DPP10: variants seen among roughly 807,000 people sequenced by gnomAD.
DPP10 encodes the protein dipeptidyl peptidase like 10.
Under a neutral mutation model 120.9 loss-of-function variants are expected in DPP10, and 33 were observed. That is an observed-to-expected ratio of 0.27 (90% CI 0.21 to 0.37). DPP10 has a LOEUF of 0.37. DPP10 is among the 10% of genes least tolerant of loss of function. The pLI is 1.00. For synonymous variants in DPP10, 337 were observed against 326.1 expected (o/e 1.03, Z -0.36); for missense variants, 816 against 942.8 (o/e 0.87, Z 1.76).
At chr2:114,573,446 T>C (rs1202080360) in intron 1 of DPP10, among the ~76,000 whole-genome samples, 1 of 152,162 alleles carries the variant, frequency 6.6e-6, no homozygotes, top group African/African-American at 2.4e-5. Context: ...TTTGGAAAGA[T>C]GATCCTGAAA....
At chr2:115,288,446 G>C (rs942298774) in intron 1 of DPP10, among the ~76,000 whole-genome samples, 1 of 151,994 alleles carries the variant, frequency 6.6e-6, no homozygotes, top group South Asian at 2.1e-4. Context: ...GGTCAGGCGT[G>C]GTGGCTCACA....
intron 5 of DPP10, among the ~76,000 whole-genome samples, chr2:115,625,622 G>T (rs2085299063): frequency 1.3e-5 from 2 of 152,148 alleles, no homozygotes; most frequent in African/African-American, 4.8e-5. Context: ...AATTATATCT[G>T]GAAATATCTT....
chr2:114,729,894 G>A (rs1032963320), intron 1 of DPP10, among the ~76,000 whole-genome samples: 2 of 152,122 alleles, frequency 1.3e-5, no homozygotes, highest in African/African-American at 4.8e-5. Context: ...CTTAAAAATG[G>A]ACCAGAACAG....
chr2:114,780,715 T>C (rs1027538044), intron 1 of DPP10, among the ~76,000 whole-genome samples: 4 of 152,090 alleles, frequency 2.6e-5, no homozygotes, highest in Non-Finnish European at 5.9e-5. Context: ...ATTTAAGATA[T>C]CTTAAATGTT....
At chr2:114,591,285 A>G (rs756911218) in intron 1 of DPP10, among the ~76,000 whole-genome samples, 1 of 152,232 alleles carries the variant, frequency 6.6e-6, no homozygotes, top group Non-Finnish European at 1.5e-5. Context: ...AAGCAAGATA[A>G]TGCATTTGCA....
rs910340396 is a variant in DPP10, at chr2:114,642,045, C to A, written c.60+199207C>A. On this transcript the variant is annotated intron_variant, in intron 1 of 25. Coordinates refer to ENST00000410059, the MANE Select transcript of DPP10 (RefSeq NM_020868.6). Reference sequence around the variant, plus strand: ...TTTTGATTTTAGAATAATTTTAAGTCTTTGCCTGCTGATAACCTCAGACAC... The same window carrying A: ...TTTTGATTTTAGAATAATTTTAAGTATTTGCCTGCTGATAACCTCAGACAC... Among the ~76,000 whole-genome samples, 9 of 151,874 alleles carry A rather than the reference C, an allele frequency of 5.9e-5. 1 individual carries two copies. The highest frequency in any genetic ancestry group is 2.0e-4 in the Admixed American group (3 of 15,268).
At chr2:115,810,928 G>C (rs1027029346) in intron 19 of DPP10, among the ~76,000 whole-genome samples, 1 of 152,160 alleles carries the variant, frequency 6.6e-6, no homozygotes, top group African/African-American at 2.4e-5. Context: ...CACATGAGTC[G>C]TGGTACCCAT....
chr2:115,694,931 A>T (rs562843656), intron 7 of DPP10, among the ~76,000 whole-genome samples: 1 of 152,276 alleles, frequency 6.6e-6, no homozygotes, highest in Non-Finnish European at 1.5e-5. Flanking sequence ...AAGGATTTGT[A>T]TTCTTATTGT....
At position 115,564,529 on chromosome 2, in the gene DPP10, T is replaced by C. The variant is rs558056131; in HGVS notation, c.441+38557T>C. ...CACATATATCTAACTACATCATTCA[T>C]TTTCAAAGACCTTGTGGTATTCCAG... On this transcript the variant is annotated intron_variant, in intron 5 of 25. Coordinates refer to ENST00000410059, the MANE Select transcript of DPP10 (RefSeq NM_020868.6). Among the ~76,000 whole-genome samples, 9 of 152,330 alleles carry C rather than the reference T, an allele frequency of 5.9e-5. No homozygotes were observed. In the South Asian group the frequency reaches 1.4e-3, roughly 25 times the overall value.
intron 1 of DPP10, among the ~76,000 whole-genome samples, chr2:114,705,933 G>T (rs1363816175): frequency 1.3e-5 from 2 of 152,142 alleles, no homozygotes; most frequent in African/African-American, 2.4e-5. Context: ...CTTCTCTCAT[G>T]GTAGCAAAGT....
chr2:115,610,470 T>TGTG (rs1553461133), intron 5 of DPP10, among the ~76,000 whole-genome samples: 48 of 151,952 alleles, frequency 3.2e-4, no homozygotes, highest in Non-Finnish European at 1.9e-4. Context: ...GCTTGAAGGC[T>TGTG]ATGTACCACA....
intron 1 of DPP10, among the ~76,000 whole-genome samples, chr2:115,116,416 T>A (rs1434669091): frequency 6.6e-6 from 1 of 152,306 alleles, no homozygotes; most frequent in East Asian, 1.9e-4. Context: ...TATTTATAGA[T>A]GAGAAAATTG....
At chr2:114,693,757 C>T (rs1300592998) in intron 1 of DPP10, among the ~76,000 whole-genome samples, 3 of 151,938 alleles carry the variant, frequency 2.0e-5, no homozygotes, top group Non-Finnish European at 4.4e-5. Flanking sequence ...TCCCATATTT[C>T]TTGGAGGTTT....
intron 4 of DPP10, among the ~76,000 whole-genome samples, chr2:115,524,393 C>G (rs534098770): frequency 2.0e-5 from 3 of 152,166 alleles, no homozygotes; most frequent in African/African-American, 7.2e-5. Context: ...TACAAATGAA[C>G]AGCTAGATGA....
At chr2:115,332,519 GGT>G in intron 2 of DPP10, among the ~76,000 whole-genome samples, 1 of 151,872 alleles carries the variant, frequency 6.6e-6, no homozygotes, top group Non-Finnish European at 1.5e-5. Flanking sequence ...GTGTTGTTAG[GGT>G]GTCTATTTTA....
intron 3 of DPP10, among the ~76,000 whole-genome samples, chr2:115,451,012 C>T (rs2073065839): frequency 6.6e-6 from 1 of 151,820 alleles, no homozygotes. Context: ...ATCTGAGGCT[C>T]ATAGATTGTA....
intron 3 of DPP10, among the ~76,000 whole-genome samples, chr2:115,440,033 A>G (rs903850201): frequency 3.9e-5 from 6 of 151,928 alleles, no homozygotes; most frequent in African/African-American, 1.5e-4. Context: ...CTATTTCTTA[A>G]TTTTCATTTT....
chr2:114,829,410 T>TA (rs1246733509), intron 1 of DPP10, among the ~76,000 whole-genome samples: 2 of 141,370 alleles, frequency 1.4e-5, no homozygotes, highest in Non-Finnish European at 3.2e-5. Context: ...TGAGACAGAG[T>TA]GTCGCTCTTG....
chr2:114,694,145 T>C (rs1391730492), intron 1 of DPP10, among the ~76,000 whole-genome samples: 2 of 152,000 alleles, frequency 1.3e-5, no homozygotes, highest in Non-Finnish European at 2.9e-5. Flanking sequence ...ATTACCTTTC[T>C]TTGAACTTAT....
Sources: allele counts gnomAD v4.1 joint callset (sites outside exome capture counted in the v4.1 genomes callset), GRCh38; gene constraint gnomAD v4.1.1; transcripts MANE v1.5; gene names NCBI Gene and HGNC (gene_info 2026-07-23, HGNC 2026-07-21).